CHD1L: variants seen among roughly 807,000 people sequenced by gnomAD.
CHD1L encodes chromodomain helicase DNA binding protein 1 like, also known as ATP-dependent chromatin remodeler CHD1L.
A neutral mutation model predicts 115.9 loss-of-function variants in CHD1L; 118 were observed. The ratio of observed to expected loss-of-function variants is 1.02; its 90% CI spans 0.88 to 1.19. The LOEUF (loss-of-function observed/expected upper bound fraction) is 1.19, where lower values mean the gene tolerates loss of function less well. CHD1L is among the 50% of genes most tolerant of loss of function. The pLI is 0.00. For missense variants in CHD1L, 1,179 were observed against 1,065.3 expected, an observed-to-expected ratio of 1.11 and a Z score of -1.49; for synonymous variants, 411 against 387.1, an observed-to-expected ratio of 1.06 and a Z score of -0.72.
chr1:147,239,262 GC>G (rs1664691701), upstream of CHD1L, among the ~76,000 whole-genome samples: 1 of 152,132 alleles, frequency 6.6e-6, no homozygotes, highest in South Asian at 2.1e-4. Flanking sequence ...AGAACTTTGA[GC>G]GTTAGCCATC....
chr1:147,294,729 G>T (rs1191080045), intron 22 of CHD1L, among the ~76,000 whole-genome samples: 1 of 152,118 alleles, frequency 6.6e-6, no homozygotes, highest in Admixed American at 6.5e-5. Context: ...AGCATTTCTG[G>T]ATGCCAGCAG....
chr1:147,267,648 T>G (rs1341369165), intron 9 of CHD1L, 130 bp downstream of exon 9: 4 of 654,668 alleles, frequency 6.1e-6, no homozygotes, highest in Non-Finnish European at 1.1e-5. Context: ...TTCTCTGTAT[T>G]GGTATTAACT....
At chr1:147,226,147 GT>G in the CHD1L span, among the ~76,000 whole-genome samples, 17 of 144,350 alleles carry the variant, frequency 1.2e-4, no homozygotes, top group Non-Finnish European at 1.5e-5. Context: ...CTCTCCTCCT[GT>G]CTTGTGAACG....
intron 1 of CHD1L, among the ~76,000 whole-genome samples, chr1:147,250,874 G>A (rs2102336610): frequency 6.6e-6 from 1 of 152,172 alleles, no homozygotes; most frequent in Middle Eastern, 3.4e-3. Context: ...ATCTCCACGT[G>A]TCAAGGGTGG....
chr1:147,275,350 T>G lies in CHD1L; in HGVS notation c.1271-4T>G. The G allele has an allele frequency of 1.2e-6, 2 of 1,609,140 alleles. No homozygotes were observed. Among genetic ancestry groups the G allele is most frequent in the Non-Finnish European group, 1.7e-6 (2 of 1,175,414 alleles). The stretch of plus-strand genomic sequence containing the variant: ...GATTACATTCCTTTTTGCATTGTTT[T>G]CAGGTGGAGTTGGCATGAACTTAAC... On this transcript the variant is annotated splice_polypyrimidine_tract_variant and splice_region_variant and intron_variant, in intron 12 of 22. Coordinates refer to ENST00000369258, the MANE Select transcript of CHD1L (RefSeq NM_004284.6).
the CHD1L span, among the ~76,000 whole-genome samples, chr1:147,226,096 A>T: frequency 0.6 from 84,122 of 141,166 alleles, 24,743 homozygotes; most frequent in East Asian, 0.88. Flanking sequence ...GTTGTCTGGC[A>T]ATTTATCTTA....
chr1:147,264,658 G>A (rs1319859393), intron 7 of CHD1L, 74 bp downstream of exon 7: 1 of 1,485,688 alleles, frequency 6.7e-7, no homozygotes, highest in African/African-American at 1.4e-5. Context: ...ATGGTTATAG[G>A]TAGAAAAGAA....
the CHD1L span, among the ~76,000 whole-genome samples, chr1:147,231,126 T>A: frequency 2.3e-3 from 348 of 152,308 alleles, no homozygotes; most frequent in African/African-American, 7.9e-3. Flanking sequence ...TCTTTCCTGC[T>A]TTCTCTTGTG....
At chr1:147,196,853 T>A in the CHD1L span, among the ~76,000 whole-genome samples, 2 of 152,150 alleles carry the variant, frequency 1.3e-5, no homozygotes, top group Admixed American at 6.5e-5. Flanking sequence ...ATTCTTCAGA[T>A]TTGCCTGTGA....
chr1:147,255,782 T>C (rs1553939803), intron 3 of CHD1L, 31 bp from the exon 4 acceptor site: 1 of 1,488,530 alleles, frequency 6.7e-7, no homozygotes, highest in Non-Finnish European at 9.3e-7. Context: ...ATCTAGTATT[T>C]ATGTTTATCT....
intron 9 of CHD1L, 78 bp downstream of exon 9, chr1:147,267,596 T>C: frequency 1.9e-6 from 2 of 1,049,246 alleles, no homozygotes; most frequent in Non-Finnish European, 2.9e-6. Flanking sequence ...TTCTTCAAAA[T>C]AATTGCATAT....
At chr1:147,285,666 G>A (rs1406657101) in intron 17 of CHD1L, among the ~76,000 whole-genome samples, 179 bp downstream of exon 17, 1 of 152,102 alleles carries the variant, frequency 6.6e-6, no homozygotes, top group Non-Finnish European at 1.5e-5. Context: ...CAGTGTATAA[G>A]GCAGGGAAGA....
the CHD1L span, chr1:147,223,863 C>A: frequency 2.9e-6 from 1 of 342,332 alleles, no homozygotes; most frequent in Non-Finnish European, 5.6e-6. Flanking sequence ...AAGCACAGAC[C>A]AGAGACAAAA....
intron 17 of CHD1L, among the ~76,000 whole-genome samples, 189 bp from the exon 18 acceptor site, chr1:147,286,109 T>C (rs1037055490): frequency 2.0e-5 from 3 of 152,208 alleles, no homozygotes; most frequent in African/African-American, 7.2e-5. Flanking sequence ...CATTATTGAA[T>C]TGTAGTCAGG....
the CHD1L span, among the ~76,000 whole-genome samples, chr1:147,187,703 A>G: frequency 6.6e-6 from 1 of 152,212 alleles, no homozygotes; most frequent in East Asian, 1.9e-4. Flanking sequence ...CCCAGGGCCA[A>G]TGTTAATTTG....
At chr1:147,264,368 A>G in intron 6 of CHD1L, 54 bp from the exon 7 acceptor site, 2 of 1,473,684 alleles carry the variant, frequency 1.4e-6, no homozygotes. Flanking sequence ...TGGGTAACTC[A>G]GCCTTGCATT....
intron 1 of CHD1L, among the ~76,000 whole-genome samples, chr1:147,248,669 ATT>A (rs1339669403): frequency 2.6e-5 from 4 of 151,454 alleles, no homozygotes; most frequent in African/African-American, 7.3e-5. Flanking sequence ...TTAGAATTTT[ATT>A]TTTGTTTATT....
At chr1:147,200,262 C>A in the CHD1L span, among the ~76,000 whole-genome samples, 1 of 152,200 alleles carries the variant, frequency 6.6e-6, no homozygotes, top group Admixed American at 6.5e-5. Flanking sequence ...CTGAGTAAAT[C>A]TAATCCTTCT....
At chr1:147,225,306 A>C in the CHD1L span, 1 of 593,816 alleles carries the variant, frequency 1.7e-6, no homozygotes, top group South Asian at 2.5e-5. Context: ...TGAAGCGCTC[A>C]ACAGATCCTT....
Sources: allele counts gnomAD v4.1 joint callset (sites outside exome capture counted in the v4.1 genomes callset), GRCh38; gene constraint gnomAD v4.1.1; transcripts MANE v1.5; gene names NCBI Gene and HGNC (gene_info 2026-07-23, HGNC 2026-07-21).